Variants in TRIM56 observed in about 807,000 individuals in gnomAD.
TRIM56 encodes the protein E3 ubiquitin-protein ligase TRIM56.
In TRIM56, 10 loss-of-function variants were observed where a neutral mutation model predicts 17.1. The observed-to-expected ratio is 0.58, with a 90% CI of 0.36 to 0.99. The LOEUF (loss-of-function observed/expected upper bound fraction) is 0.99. Ranked by LOEUF, TRIM56 falls within the 50% of genes least tolerant of loss-of-function variation. TRIM56 has a pLI of 0.01. For missense variants in TRIM56, 923 were observed against 1,052.3 expected (o/e 0.88, Z 1.70); for synonymous variants, 503 against 473.5 (o/e 1.06, Z -0.81).
Position 101,087,325 on chromosome 7 carries a change from G to C in TRIM56, c.13G>C (p.Gly5Arg), listed in dbSNP as rs748373671. The change falls in exon 3 of 3, where the codon GGG (glycine) becomes CGG (arginine). Residue 5 changes from glycine to arginine, a missense_variant. Gly to Arg is a moderately radical substitution (Grantham distance 125, BLOSUM62 -2). This residue lies in a region of TRIM56 where 98 missense variants were observed against 143.6 expected (regional missense o/e 0.68). Coordinates refer to ENST00000306085, the MANE Select transcript of TRIM56 (RefSeq NM_030961.3). ...CTCTGCCTGCAGCATGGTTTCCCAC[G>C]GGTCCTCGCCCTCCCTCCTGGAGGC... The part of the protein sequence containing the change: MVSH[G>R]SSPSLLEALS... 22 of 1,611,654 alleles carry C rather than the reference G, an allele frequency of 1.4e-5. No individual in the cohort carries two copies. The highest frequency in any genetic ancestry group is 1.9e-5 in the Non-Finnish European group (22 of 1,178,898).
At position 101,088,558 on chromosome 7, in the gene TRIM56, G is replaced by A. The variant is rs2116531122; in HGVS notation, c.1246G>A (p.Ala416Thr). The change falls in exon 3 of 3, where the codon GCC (alanine) becomes ACC (threonine). Residue 416 changes from alanine (A) to threonine (T), a missense_variant. Physicochemically the swap from Ala to Thr is moderately conservative, Grantham distance 58. Transcript: ENST00000306085. ...GGVQPQAGDG[A>T]QTPKEEKAQT... ...AGTCCAGCCCCAGGCTGGAGATGGA[G>A]CCCAGACCCCAAAAGAGGAAAAAGC... is the stretch of plus-strand genomic sequence containing the variant. 2 of 1,609,752 alleles carry A rather than the reference G, an allele frequency of 1.2e-6. No individual in the cohort carries two copies. The highest frequency in any genetic ancestry group is 4.5e-5 in the East Asian group (2 of 44,828).
chr7:101,086,936 C>T (rs1411310086), intron 1 of TRIM56, 70 bp from the exon 2 acceptor site: 1 of 218,526 alleles, frequency 4.6e-6, no homozygotes, highest in Non-Finnish European at 9.1e-6. Flanking sequence ...ATGTTTGCCA[C>T]AAGGCCTGTG....
Position 101,089,337 on chromosome 7 carries a change from C to T in TRIM56, c.2025C>T (p.Gly675=), listed in dbSNP as rs1795523909. The T allele has an allele frequency of 6.2e-7, 1 of 1,607,152 alleles. No homozygotes were observed. Among genetic ancestry groups the T allele is most frequent in the Non-Finnish European group, 8.5e-7 (1 of 1,175,032 alleles). Residue 675 remains glycine (G), a synonymous_variant, in exon 3 of 3, where the codon GGC becomes GGT. Transcript: ENST00000306085. ...TGGTTGGGGAGTACAAGGGGCCAGG[C>T]CTGCATGGCTGCCAGCCGGGCTCCG... ...GQVVGEYKGP[G]LHGCQPGSVS... is the part of the protein sequence containing the mutation.
In TRIM56 at chr7:101,095,545, A is replaced by G. The variant is rs1795642415; in HGVS notation, c.*5965A>G. ...GGCAGTGGTCCTGGCTGGTGAAATGATTCTAGCCACGTGGCCCACCCAGGG... is the reference window on the plus strand; with the variant it reads ...GGCAGTGGTCCTGGCTGGTGAAATGGTTCTAGCCACGTGGCCCACCCAGGG... On this transcript the variant is annotated 3_prime_UTR_variant, in exon 3 of 3. Transcript: ENST00000306085. The G allele has an allele frequency of 6.6e-6, 1 of 152,202 alleles. No individual in the cohort carries two copies. Among genetic ancestry groups the G allele is most frequent in the Non-Finnish European group, 1.5e-5 (1 of 68,092 alleles). 9.4% of individuals were successfully genotyped at this position (152,202 alleles called of 1,614,324 possible).
rs1795534128 is a variant in TRIM56 at position 101,089,899 on chromosome 7, A to G, written c.*319A>G. ...ATAGTTTAGGTTTCTGAGGTTTGTG[A>G]GCCTGTCCTGCTTTGCATTCTTCAA... On this transcript the variant is annotated 3_prime_UTR_variant, in exon 3 of 3. Transcript: ENST00000306085. 1 of 298,402 alleles carries G rather than the reference A, an allele frequency of 3.4e-6. No homozygotes were observed. Among genetic ancestry groups the G allele is most frequent in the Admixed American group, 4.8e-5 (1 of 20,780 alleles). The allele number at this position is 298,402 out of a possible 1,614,324, so 18.5% of individuals were successfully genotyped here.
Position 101,087,684 on chromosome 7 carries a change from C to T in TRIM56, c.372C>T (p.Ala124=), listed in dbSNP as rs751508578. 13 of 1,594,044 alleles carry T rather than the reference C, an allele frequency of 8.2e-6. No individual in the cohort carries two copies. Among genetic ancestry groups the T allele is most frequent in the South Asian group, 5.6e-5 (5 of 88,644 alleles). Reference sequence around the variant, plus strand: ...CCACGGCCCGGTGCCTGGACTGTGCCGATGACTTGTGCCAGGCCTGTGCCG... The same window carrying T: ...CCACGGCCCGGTGCCTGGACTGTGCTGATGACTTGTGCCAGGCCTGTGCCG... ...GPATARCLDC[A]DDLCQACADG... The change falls in exon 3 of 3, where the codon GCC becomes GCT. Residue 124 remains alanine (A), a synonymous_variant. Coordinates refer to ENST00000306085, the MANE Select transcript of TRIM56 (RefSeq NM_030961.3).
chr7:101,087,494 A>G lies in TRIM56; in HGVS notation c.182A>G (p.Glu61Gly). ...CGCGTCCGCTGCCCCGAGTGCCGCG[A>G]GACAGTGCCTGTGCCGCCCGAGGGT... is the stretch of plus-strand genomic sequence containing the variant. ...GGRVRCPECRETVPVPPEGVA... is the reference protein window; with the variant it reads ...GGRVRCPECRGTVPVPPEGVA... Residue 61 changes from glutamate (E) to glycine (G), a missense_variant, in exon 3 of 3, where the codon GAG (glutamate) becomes GGG (glycine). Glu to Gly is a moderately conservative substitution (Grantham distance 98). This residue lies in a region of TRIM56 where 98 missense variants were observed against 143.6 expected (regional missense o/e 0.68). Transcript: ENST00000306085. The G allele has an allele frequency of 6.2e-7, 1 of 1,613,570 alleles. No individual in the cohort carries two copies. The highest frequency in any genetic ancestry group is 1.1e-5 in the South Asian group (1 of 91,032).
rs890662627 is a variant in TRIM56, at chr7:101,095,165, G to C, written c.*5585G>C. 1.3e-5 allele frequency: 2 copies of C among 152,132 alleles called. No individual in the cohort carries two copies. Among genetic ancestry groups the C allele is most frequent in the Non-Finnish European group, 2.9e-5 (2 of 68,178 alleles). 9.4% of individuals were successfully genotyped at this position (152,132 alleles called of 1,614,324 possible). A position where few individuals can be genotyped will look rare whatever the true frequency, so the allele number is the denominator to read the frequency against. On this transcript the variant is annotated 3_prime_UTR_variant, in exon 3 of 3. Transcript: ENST00000306085. The stretch of plus-strand genomic sequence containing the variant: ...AAGGCGGGAGGATGTCTTGAGGCCA[G>C]GAGTTCAAGACTAGGCTGGGCAACA...
In TRIM56 at chr7:101,087,873, G is replaced by T; in HGVS notation, c.561G>T (p.Leu187Phe). The change falls in exon 3 of 3, where the codon TTG becomes TTT. Residue 187 changes from leucine to phenylalanine, a missense_variant. Transcript: ENST00000306085. ...LRFLCQPCSQ[L>F]LCRECRLDPH... Reference sequence around the variant, plus strand: ...TCCTGTGCCAGCCCTGCTCACAGTTGCTGTGCAGAGAGTGCCGCCTAGACC... The same window carrying T: ...TCCTGTGCCAGCCCTGCTCACAGTTTCTGTGCAGAGAGTGCCGCCTAGACC... 1 of 1,606,336 alleles carries T rather than the reference G, an allele frequency of 6.2e-7. No individual in the cohort carries two copies.
chr7:101,097,052 A>G lies in TRIM56; in HGVS notation c.*7472A>G, dbSNP rs1221203576. The G allele has an allele frequency of 6.6e-6, 1 of 152,226 alleles. No homozygotes were observed. Among genetic ancestry groups the G allele is most frequent in the African/African-American group, 2.4e-5 (1 of 41,448 alleles). 9.4% of individuals were successfully genotyped at this position (152,226 alleles called of 1,614,324 possible). A position where few individuals can be genotyped will look rare whatever the true frequency, so the allele number is the denominator to read the frequency against. ...TTGGAAAGGGAGTAGCTCTCCTTCT[A>G]TTTTAGCCTTATTATTACGGTATCT... On this transcript the variant is annotated 3_prime_UTR_variant, in exon 3 of 3. Coordinates refer to ENST00000306085, the MANE Select transcript of TRIM56 (RefSeq NM_030961.3).
At position 101,092,951 on chromosome 7, in the gene TRIM56, AAAG is replaced by A. The variant is rs1234913868; in HGVS notation, c.*3375_*3377del. The A allele has an allele frequency of 1.1e-5, 2 of 180,766 alleles. No homozygotes were observed. Among genetic ancestry groups the A allele is most frequent in the South Asian group, 1.2e-4 (1 of 8,444 alleles). 11.2% of individuals were successfully genotyped at this position (180,766 alleles called of 1,614,324 possible). A position where few individuals can be genotyped will look rare whatever the true frequency, so the allele number is the denominator to read the frequency against. ...TCAGATTGTTGCCGTGTCTGTGTAG[AAAG>A]AAGTAGACATGGGAGACTTCATTTT... is the stretch of plus-strand genomic sequence containing the variant. On this transcript the variant is annotated 3_prime_UTR_variant, in exon 3 of 3. Transcript: ENST00000306085.
In TRIM56 at chr7:101,089,007, C is replaced by G. The variant is rs746836929; in HGVS notation, c.1695C>G (p.Ser565=). 3.1e-6 allele frequency: 5 copies of G among 1,607,022 alleles called. No homozygotes were observed. The highest frequency in any genetic ancestry group is 4.2e-6 in the Non-Finnish European group (5 of 1,179,724). ...VAALQSAVAF[S]ASARLYLINP... ...CCCTGCAGAGCGCGGTGGCCTTCTC[C>G]GCTAGCGCACGGCTCTATCTCATCA... Residue 565 remains serine (S), a synonymous_variant, in exon 3 of 3, where the codon TCC becomes TCG. Transcript: ENST00000306085.
In TRIM56 at chr7:101,088,842, C is replaced by A; in HGVS notation, c.1530C>A (p.Ile510=). The A allele has an allele frequency of 6.2e-7, 1 of 1,613,826 alleles. No homozygotes were observed. The highest frequency in any genetic ancestry group is 1.1e-5 in the South Asian group (1 of 91,082). ...CTGGAGACAAGCGGTCCCCCCGGAT[C>A]ACCGGGCTCTGTCCCTTCGGTCCCC... ...RMPGDKRSPR[I]TGLCPFGPRE... The change falls in exon 3 of 3, where the codon ATC becomes ATA. Residue 510 remains isoleucine, a synonymous_variant. Transcript: ENST00000306085.
rs1187428624 is a variant in TRIM56 at position 101,090,028 on chromosome 7, C to G, written c.*448C>G. The G allele has an allele frequency of 1.2e-5, 2 of 171,682 alleles. No homozygotes were observed. The highest frequency in any genetic ancestry group is 4.8e-5 in the African/African-American group (2 of 41,564). The allele number at this position is 171,682 out of a possible 1,614,324, so 10.6% of individuals were successfully genotyped here. A position where few individuals can be genotyped will look rare whatever the true frequency, so the allele number is the denominator to read the frequency against. The stretch of plus-strand genomic sequence containing the variant: ...GAACAGAGCTGAGACCCCGGCCCCC[C>G]TTGGACTGGCACAGGGTCCTACAGA... On this transcript the variant is annotated 3_prime_UTR_variant, in exon 3 of 3. Coordinates refer to ENST00000306085, the MANE Select transcript of TRIM56 (RefSeq NM_030961.3).
At position 101,088,586 on chromosome 7, in the gene TRIM56, A is replaced by C; in HGVS notation, c.1274A>C (p.Gln425Pro). 1 of 1,613,044 alleles carries C rather than the reference A, an allele frequency of 6.2e-7. No individual in the cohort carries two copies. The highest frequency in any genetic ancestry group is 8.5e-7 in the Non-Finnish European group (1 of 1,179,188). Residue 425 changes from glutamine to proline, a missense_variant, in exon 3 of 3, where the codon CAG becomes CCG. By Grantham distance (76) the Gln-to-Pro change is moderately conservative (BLOSUM62 -1). Transcript: ENST00000306085. ...CAGACCCCAAAAGAGGAAAAAGCCC[A>C]GACAACCCGAGAAGAGGGAGCCCAG... ...GAQTPKEEKA[Q>P]TTREEGAQTL...
At position 101,088,192 on chromosome 7, in the gene TRIM56, G is replaced by A. The variant is rs1795485941; in HGVS notation, c.880G>A (p.Glu294Lys). Residue 294 changes from glutamate to lysine, a missense_variant, in exon 3 of 3, where the codon GAG becomes AAG. By Grantham distance (56) the Glu-to-Lys change is moderately conservative. This residue lies in a region of TRIM56 where 643 missense variants were observed against 665.6 expected (regional missense o/e 0.97). Coordinates refer to ENST00000306085, the MANE Select transcript of TRIM56 (RefSeq NM_030961.3). ...AGAAGCTGCTCGGGAGAGGCTGGCG[G>A]AGCTTGAGGGCCGGGAGCAGGTGGC... ...AEEAARERLA[E>K]LEGREQVARA... 6.8e-7 allele frequency: 1 copy of A among 1,480,866 alleles called. No individual in the cohort carries two copies. The highest frequency in any genetic ancestry group is 2.4e-5 in the Admixed American group (1 of 42,416). The allele number at this position is 1,480,866 out of a possible 1,614,324, so 91.7% of individuals were successfully genotyped here. A position where few individuals can be genotyped will look rare whatever the true frequency, so the allele number is the denominator to read the frequency against.
chr7:101,094,315 C>T lies in TRIM56; in HGVS notation c.*4735C>T, dbSNP rs1020853435. 4 of 151,312 alleles carry T rather than the reference C, an allele frequency of 2.6e-5. No individual in the cohort carries two copies. Among genetic ancestry groups the T allele is most frequent in the South Asian group, 4.2e-4 (2 of 4,770 alleles). 9.4% of individuals were successfully genotyped at this position (151,312 alleles called of 1,614,324 possible). On this transcript the variant is annotated 3_prime_UTR_variant, in exon 3 of 3. Coordinates refer to ENST00000306085, the MANE Select transcript of TRIM56 (RefSeq NM_030961.3). The stretch of plus-strand genomic sequence containing the variant: ...AATAATTACTGAGTAGAAATAGGTT[C>T]GGAATTTGTAAATAGTCATTAATTT...
chr7:101,085,719 G>A (rs1795431279), intron 1 of TRIM56, 148 bp downstream of exon 1: 1 of 152,214 alleles, frequency 6.6e-6, no homozygotes, highest in Non-Finnish European at 1.5e-5. Context: ...GAGGGCAGGA[G>A]GGAAACTGCA....
At position 101,087,656 on chromosome 7, in the gene TRIM56, C is replaced by G. The variant is rs535424225; in HGVS notation, c.344C>G (p.Pro115Arg). The G allele has an allele frequency of 6.9e-6, 11 of 1,605,466 alleles. No homozygotes were observed. The highest frequency in any genetic ancestry group is 8.5e-6 in the Non-Finnish European group (10 of 1,176,914). Residue 115 changes from proline (P) to arginine (R), a missense_variant, in exon 3 of 3, where the codon CCG becomes CGG. By Grantham distance (103) the Pro-to-Arg change is moderately radical. Transcript: ENST00000306085. ...GTGGGTGGCACCAGCACCGGGGGGC[C>G]GGCCACGGCCCGGTGCCTGGACTGT... The part of the protein sequence containing the change: ...PLVGGTSTGG[P>R]ATARCLDCAD...
Sources: allele counts gnomAD v4.1 joint callset, GRCh38; gene constraint gnomAD v4.1.1; regional missense constraint gnomAD v4.1.1; transcripts MANE v1.5; gene names NCBI Gene and HGNC (gene_info 2026-07-23, HGNC 2026-07-21).